Variants in EXOC4 observed in about 807,000 individuals in gnomAD.
EXOC4 encodes exocyst complex component 4, also known as SEC8-like 1.
In EXOC4, 71 loss-of-function variants were observed where a neutral mutation model predicts 107.2. The ratio of observed to expected loss-of-function variants is 0.66; its 90% CI spans 0.55 to 0.81. EXOC4 has a LOEUF of 0.81. Ranked by LOEUF, EXOC4 falls within the 30% of genes least tolerant of loss-of-function variation. The pLI is 0.00. For synonymous variants in EXOC4, 456 were observed against 441.2 expected, an observed-to-expected ratio of 1.03 and a Z score of -0.42; for missense variants, 1,108 against 1,189.6, an observed-to-expected ratio of 0.93 and a Z score of 1.01.
the EXOC4 span, among the ~76,000 whole-genome samples, chr7:134,084,106 G>A: frequency 3.3e-5 from 5 of 152,146 alleles, no homozygotes; most frequent in Admixed American, 1.3e-4. Context: ...TGAGAAGGCC[G>A]TTTGCTGTGA....
chr7:133,962,369 T>C (rs1399677338), intron 14 of EXOC4, among the ~76,000 whole-genome samples: 1 of 152,244 alleles, frequency 6.6e-6, no homozygotes, highest in Non-Finnish European at 1.5e-5. Context: ...TCACAGCTAA[T>C]TGTGCAACTT....
chr7:133,414,963 G>A (rs1797442036), intron 7 of EXOC4, among the ~76,000 whole-genome samples: 1 of 152,076 alleles, frequency 6.6e-6, no homozygotes, highest in East Asian at 1.9e-4. Context: ...TCCAGCCCTA[G>A]GCAACCACAA....
At chr7:133,871,590 A>G (rs1798753537) in intron 11 of EXOC4, among the ~76,000 whole-genome samples, 1 of 151,756 alleles carries the variant, frequency 6.6e-6, no homozygotes, top group South Asian at 2.1e-4. Flanking sequence ...CTCTCCCTCC[A>G]TCTTTCTCAT....
intron 7 of EXOC4, among the ~76,000 whole-genome samples, chr7:133,397,513 C>T (rs1277956304): frequency 6.6e-6 from 1 of 152,106 alleles, no homozygotes; most frequent in Non-Finnish European, 1.5e-5. Flanking sequence ...AGGACAGCTT[C>T]TTTGCTTTTT....
chr7:133,969,605 G>A (rs1801154497), intron 14 of EXOC4, among the ~76,000 whole-genome samples: 1 of 152,148 alleles, frequency 6.6e-6, no homozygotes, highest in Admixed American at 6.5e-5. Context: ...CTCTGCTGTA[G>A]GTCTGCTGGA....
chr7:133,753,621 A>G (rs1369521615), intron 10 of EXOC4, among the ~76,000 whole-genome samples: 1 of 152,250 alleles, frequency 6.6e-6, no homozygotes, highest in Non-Finnish European at 1.5e-5. Context: ...GCTGACAAGA[A>G]TTTCTCCAGG....
At chr7:133,570,424 G>C (rs1240763785) in intron 9 of EXOC4, among the ~76,000 whole-genome samples, 1 of 152,176 alleles carries the variant, frequency 6.6e-6, no homozygotes, top group Non-Finnish European at 1.5e-5. Context: ...TTGTTTCATT[G>C]CTTTTCTTTC....
At chr7:133,916,938 GTGTTAATAGCTAACCCA>G (rs1416699894) in intron 12 of EXOC4, among the ~76,000 whole-genome samples, 1 of 152,214 alleles carries the variant, frequency 6.6e-6, no homozygotes, top group African/African-American at 2.4e-5. Flanking sequence ...GGTAAGAGCA[GTGTTAATAGCTAACCCA>G]TGGGCCCTAT....
intron 10 of EXOC4, among the ~76,000 whole-genome samples, chr7:133,674,629 C>T (rs1162259731): frequency 6.6e-6 from 1 of 152,110 alleles, no homozygotes; most frequent in Middle Eastern, 3.2e-3. Flanking sequence ...ATGTTTTCTG[C>T]ATATTTATGA....
intron 9 of EXOC4, among the ~76,000 whole-genome samples, chr7:133,542,900 A>G (rs926304339): frequency 1.3e-5 from 2 of 152,138 alleles, no homozygotes; most frequent in African/African-American, 4.8e-5. Flanking sequence ...TGGATGCAGA[A>G]TAAAAACTTA....
chr7:133,440,443 G>A (rs773237807), intron 7 of EXOC4, among the ~76,000 whole-genome samples: 1 of 150,958 alleles, frequency 6.6e-6, no homozygotes, highest in Admixed American at 6.6e-5. Context: ...TTGGTCATCA[G>A]TGTTCATGAT....
chr7:133,857,158 A>G (rs1246231126), intron 11 of EXOC4, among the ~76,000 whole-genome samples: 12 of 5,540 alleles, frequency 2.2e-3, no homozygotes, highest in Non-Finnish European at 3.0e-3. Flanking sequence ...GTATATATAT[A>G]TATATATATA....
intron 7 of EXOC4, among the ~76,000 whole-genome samples, chr7:133,403,073 C>T (rs558878661): frequency 2.6e-5 from 4 of 151,036 alleles, no homozygotes; most frequent in East Asian, 2.0e-4. Flanking sequence ...GTACTAGAGA[C>T]GGGGTTTCAC....
chr7:133,964,574 C>T (rs1311132555), intron 14 of EXOC4, among the ~76,000 whole-genome samples: 5 of 152,062 alleles, frequency 3.3e-5, no homozygotes, highest in Admixed American at 6.6e-5. Flanking sequence ...TGAGAACATG[C>T]GGTGTTTGGT....
At chr7:133,392,563 C>A (rs781413546) in intron 7 of EXOC4, among the ~76,000 whole-genome samples, 9 of 152,040 alleles carry the variant, frequency 5.9e-5, no homozygotes, top group Non-Finnish European at 1.3e-4. Context: ...TTTATTTTCC[C>A]CTCTTCCCCC....
intron 3 of EXOC4, among the ~76,000 whole-genome samples, chr7:133,299,427 G>A (rs1342690939): frequency 6.6e-6 from 1 of 152,092 alleles, no homozygotes; most frequent in Non-Finnish European, 1.5e-5. Flanking sequence ...GATTACTTTC[G>A]CTTTAATAAA....
downstream of EXOC4, chr7:134,065,839 A>C (rs1796167673): frequency 1.3e-5 from 2 of 152,216 alleles, no homozygotes; most frequent in Admixed American, 1.3e-4. Flanking sequence ...ATGCTACCAC[A>C]CACAAGGGCA....
At chr7:133,982,413 G>A (rs529545696) in intron 14 of EXOC4, among the ~76,000 whole-genome samples, 18 of 152,196 alleles carry the variant, frequency 1.2e-4, no homozygotes, top group Admixed American at 7.2e-4. Context: ...TTAGCCAGGC[G>A]TGGTGGCGGG....
intron 9 of EXOC4, among the ~76,000 whole-genome samples, chr7:133,481,808 A>G (rs1799165032): frequency 6.6e-6 from 1 of 152,208 alleles, no homozygotes; most frequent in African/African-American, 2.4e-5. Context: ...GACTGTCATT[A>G]GACCTGGAAC....
Sources: allele counts gnomAD v4.1 joint callset (sites outside exome capture counted in the v4.1 genomes callset), GRCh38; gene constraint gnomAD v4.1.1; transcripts MANE v1.5; gene names NCBI Gene and HGNC (gene_info 2026-07-23, HGNC 2026-07-21).